The following EVA1A variants were observed in gnomAD, a reference collection of about 807,000 sequenced individuals.
The protein encoded by EVA1A is eva-1 homolog A, regulator of programmed cell death, also known as protein eva-1 homolog A.
In EVA1A, 7 loss-of-function variants were observed where a neutral mutation model predicts 9.8. The observed-to-expected ratio is 0.71, with a 90% CI of 0.41 to 1.34. The LOEUF (loss-of-function observed/expected upper bound fraction) is 1.34, where lower values mean the gene tolerates loss of function less well. Among genes scored for constraint, EVA1A ranks in the 40% most tolerant of loss-of-function variants. The pLI is 0.01. For missense variants in EVA1A, 206 were observed against 205.9 expected (o/e 1.00, Z 0.00); for synonymous variants, 90 against 85.6 (o/e 1.05, Z -0.28).
At chr2:75,519,362 G>A (rs1294543603) in intron 2 of EVA1A, among the ~76,000 whole-genome samples, 1 of 152,204 alleles carries the variant, frequency 6.6e-6, no homozygotes, top group East Asian at 1.9e-4. Context: ...GCCACAATTA[G>A]AAGGCCTGGA....
chr2:75,511,679 C>T (rs898873831), intron 3 of EVA1A, among the ~76,000 whole-genome samples: 1 of 152,104 alleles, frequency 6.6e-6, no homozygotes, highest in Non-Finnish European at 1.5e-5. Flanking sequence ...GAGGAAGCAG[C>T]TCTTGGGTAA....
Position 75,499,983 on chromosome 2 carries a change from C to T in EVA1A, c.86-6374G>A, listed in dbSNP as rs368101059. Among the ~76,000 whole-genome samples, 35 of 152,266 alleles carry T rather than the reference C, an allele frequency of 2.3e-4. No homozygotes were observed. In the South Asian group the frequency reaches 5.4e-3, roughly 23 times the overall value. ...TCTTTGTTCTTTCCTATATTGGATC[C>T]GCCTGAGAAGGTGCCTGTGGTGGAA... On this transcript the variant is annotated intron_variant, in intron 3 of 3. Transcript: ENST00000393913.
intron 1 of EVA1A, among the ~76,000 whole-genome samples, chr2:75,537,183 T>C (rs957871207): frequency 6.6e-6 from 1 of 152,160 alleles, no homozygotes; most frequent in Non-Finnish European, 1.5e-5. Context: ...TCAATTGATA[T>C]AAACTGCCAT....
intron 3 of EVA1A, among the ~76,000 whole-genome samples, chr2:75,511,979 T>A (rs1282304926): frequency 6.6e-6 from 1 of 151,700 alleles, no homozygotes; most frequent in Non-Finnish European, 1.5e-5. Flanking sequence ...TGGGGAGAAG[T>A]GGAGAGTGAT....
intron 3 of EVA1A, among the ~76,000 whole-genome samples, chr2:75,495,605 A>C (rs1434965710): frequency 6.6e-6 from 1 of 152,124 alleles, no homozygotes; most frequent in East Asian, 1.9e-4. Flanking sequence ...AGATTGTTAA[A>C]ATTTTTTATA....
intron 2 of EVA1A, among the ~76,000 whole-genome samples, chr2:75,519,023 C>T (rs905597096): frequency 6.6e-6 from 1 of 152,218 alleles, no homozygotes; most frequent in Admixed American, 6.5e-5. Flanking sequence ...TCCATAGAAC[C>T]ATCCCACCAG....
At chr2:75,544,968 A>G (rs1676276224) in intron 1 of EVA1A, among the ~76,000 whole-genome samples, 1 of 152,232 alleles carries the variant, frequency 6.6e-6, no homozygotes, top group African/African-American at 2.4e-5. Flanking sequence ...ATGAGGCTAC[A>G]GTGTTCATCC....
At position 75,493,356 on chromosome 2, in the gene EVA1A, G is replaced by A; in HGVS notation, c.339C>T (p.Thr113=). ...GGGCGCGCTCCAGCTCCTCCGCAGA[G>A]GTGAACACATTCTTGTTCAAAGTCC... is the stretch of plus-strand genomic sequence containing the variant. The part of the protein sequence containing the change: ...FERTLNKNVF[T]SAEELERAQR... Residue 113 remains threonine, a synonymous_variant, in exon 4 of 4, where the codon ACC becomes ACT. Coordinates refer to ENST00000393913, the MANE Select transcript of EVA1A (RefSeq NM_001135032.2). The A allele has an allele frequency of 1.2e-6, 2 of 1,614,236 alleles. No individual in the cohort carries two copies. Among genetic ancestry groups the A allele is most frequent in the Non-Finnish European group, 1.7e-6 (2 of 1,180,042 alleles).
chr2:75,529,190 C>A (rs1455007437), intron 1 of EVA1A, among the ~76,000 whole-genome samples: 3 of 152,062 alleles, frequency 2.0e-5, no homozygotes, highest in African/African-American at 2.4e-5. Context: ...CAAACCCTAA[C>A]CCTAACACTA....
intron 1 of EVA1A, among the ~76,000 whole-genome samples, chr2:75,525,561 C>T (rs1020365519): frequency 3.3e-5 from 5 of 152,156 alleles, no homozygotes; most frequent in African/African-American, 1.2e-4. Context: ...TGTGTTCCAT[C>T]CTTCTGCATT....
chr2:75,532,219 C>T (rs1040288775), intron 1 of EVA1A, among the ~76,000 whole-genome samples: 4 of 147,046 alleles, frequency 2.7e-5, no homozygotes, highest in East Asian at 4.0e-4. Context: ...AGCAACTGTT[C>T]CCCAAAAACG....
chr2:75,537,582 A>ATTT (rs1256814612), intron 1 of EVA1A, among the ~76,000 whole-genome samples: 1 of 152,186 alleles, frequency 6.6e-6, no homozygotes, highest in Non-Finnish European at 1.5e-5. Flanking sequence ...TTACCCAAAA[A>ATTT]ACCTCCAGGT....
intron 1 of EVA1A, among the ~76,000 whole-genome samples, chr2:75,542,883 G>A (rs982237633): frequency 6.6e-6 from 1 of 152,126 alleles, no homozygotes; most frequent in African/African-American, 2.4e-5. Flanking sequence ...TGACTCCAGG[G>A]TAATAGTTAA....
At chr2:75,569,273 A>C (rs1397938459) in intron 1 of EVA1A, among the ~76,000 whole-genome samples, 1 of 152,048 alleles carries the variant, frequency 6.6e-6, no homozygotes, top group Non-Finnish European at 1.5e-5. Flanking sequence ...TCACTTTCTT[A>C]ATCCCCTTCA....
chr2:75,493,231 G>T lies in EVA1A; in HGVS notation c.*5C>A. 2 of 1,604,250 alleles carry T rather than the reference G, an allele frequency of 1.2e-6. No individual in the cohort carries two copies. Among genetic ancestry groups the T allele is most frequent in the East Asian group, 2.2e-5 (1 of 44,770 alleles). On this transcript the variant is annotated 3_prime_UTR_variant, in exon 4 of 4. Transcript: ENST00000393913. The stretch of plus-strand genomic sequence containing the variant: ...CTCCAGTGGTTTCCGGGGTCCTGCT[G>T]CTCCCTAATAGTAGCGATTCAGGCT...
At chr2:75,551,555 G>C (rs1676525203) in intron 1 of EVA1A, among the ~76,000 whole-genome samples, 1 of 152,160 alleles carries the variant, frequency 6.6e-6, no homozygotes, top group Non-Finnish European at 1.5e-5. Context: ...CCTGAGGTCA[G>C]TGTTGTGCCC....
At chr2:75,518,400 G>A (rs1312609179) in intron 2 of EVA1A, among the ~76,000 whole-genome samples, 192 bp from the exon 3 acceptor site, 1 of 152,070 alleles carries the variant, frequency 6.6e-6, no homozygotes, top group African/African-American at 2.4e-5. Flanking sequence ...TAGAGCTAAG[G>A]AAATTATCCT....
intron 3 of EVA1A, among the ~76,000 whole-genome samples, chr2:75,506,655 A>G (rs1674630760): frequency 6.6e-6 from 1 of 152,226 alleles, no homozygotes; most frequent in Admixed American, 6.5e-5. Context: ...TATCCATGAT[A>G]CATCTTTCTG....
intron 2 of EVA1A, among the ~76,000 whole-genome samples, chr2:75,521,830 A>T (rs970216346): frequency 6.6e-6 from 1 of 152,230 alleles, no homozygotes; most frequent in African/African-American, 2.4e-5. Flanking sequence ...GAATTTTGTT[A>T]TATGTATTTT....
Sources: gnomAD v4.1 joint callset for allele counts (sites outside exome capture counted in the v4.1 genomes callset) on GRCh38, gnomAD v4.1.1 for gene constraint, MANE v1.5 for transcripts, NCBI Gene and HGNC (gene_info 2026-07-23, HGNC 2026-07-21) for gene names.